The following TMTC2 variants were observed in gnomAD, a reference collection of about 807,000 sequenced individuals.
The protein encoded by TMTC2 is transmembrane O-mannosyltransferase targeting cadherins 2.
A neutral mutation model predicts 82.4 loss-of-function variants in TMTC2; 43 were observed. That is an observed-to-expected ratio of 0.52 (90% CI 0.41 to 0.67). The LOEUF is 0.67. TMTC2 is among the 30% of genes least tolerant of loss of function. TMTC2 has a pLI of 0.00. For missense variants in TMTC2, 919 were observed against 1,012.4 expected, an observed-to-expected ratio of 0.91 and a Z score of 1.25; for synonymous variants, 408 against 381.9, an observed-to-expected ratio of 1.07 and a Z score of -0.80.
chr12:82,943,341 T>A (rs1876825045), intron 4 of TMTC2, among the ~76,000 whole-genome samples: 1 of 152,206 alleles, frequency 6.6e-6, no homozygotes, highest in Non-Finnish European at 1.5e-5. Flanking sequence ...TGGCTGCAGC[T>A]CCTCCTTTCC....
intron 2 of TMTC2, among the ~76,000 whole-genome samples, chr12:82,894,300 G>T (rs1169878374): frequency 6.6e-6 from 1 of 152,164 alleles, no homozygotes; most frequent in Admixed American, 6.5e-5. Flanking sequence ...TCATTAGGTT[G>T]AAGGTAGAGT....
chr12:82,910,976 T>G (rs1326480587), intron 3 of TMTC2, among the ~76,000 whole-genome samples: 2 of 151,612 alleles, frequency 1.3e-5, no homozygotes, highest in Admixed American at 6.6e-5. Flanking sequence ...CACCACCCGG[T>G]TTCACGCCAT....
intron 1 of TMTC2, among the ~76,000 whole-genome samples, chr12:82,731,154 C>G (rs866143099): frequency 6.6e-6 from 1 of 152,338 alleles, no homozygotes; most frequent in South Asian, 2.1e-4. Flanking sequence ...GCTACCTTTG[C>G]AAATGTGCAT....
chr12:83,009,976 G>A (rs1384741018), intron 8 of TMTC2, among the ~76,000 whole-genome samples: 1 of 152,170 alleles, frequency 6.6e-6, no homozygotes, highest in African/African-American at 2.4e-5. Flanking sequence ...TCTGACAGGA[G>A]ATGGAGCTCA....
chr12:82,927,157 G>A (rs1322818087), intron 3 of TMTC2, among the ~76,000 whole-genome samples: 4 of 152,048 alleles, frequency 2.6e-5, no homozygotes, highest in Non-Finnish European at 5.9e-5. Flanking sequence ...GAAAACTTTT[G>A]GAAAGAATTT....
intron 2 of TMTC2, among the ~76,000 whole-genome samples, chr12:82,885,511 AGG>A (rs1385697196): frequency 6.6e-6 from 1 of 151,386 alleles, no homozygotes; most frequent in Non-Finnish European, 1.5e-5. Context: ...CTGGGAATAC[AGG>A]TGTATGCCAC....
chr12:83,079,529 A>T (rs74863575), intron 11 of TMTC2, among the ~76,000 whole-genome samples: 6,701 of 152,172 alleles, frequency 0.044, 189 homozygotes, highest in East Asian at 0.12. Context: ...GTTATAATAG[A>T]TTTTACCTTC....
intron 9 of TMTC2, among the ~76,000 whole-genome samples, chr12:83,035,996 A>T (rs1881647970): frequency 6.6e-6 from 1 of 152,176 alleles, no homozygotes; most frequent in Non-Finnish European, 1.5e-5. Flanking sequence ...AAGGGAGGAG[A>T]TTGTAATGCT....
chr12:82,796,197 C>T (rs377119708), intron 1 of TMTC2, among the ~76,000 whole-genome samples: 8 of 152,002 alleles, frequency 5.3e-5, no homozygotes, highest in African/African-American at 4.8e-5. Flanking sequence ...GTAGCCGGGA[C>T]GACCTGGCTG....
chr12:82,732,729 T>C (rs1364234961), intron 1 of TMTC2, among the ~76,000 whole-genome samples: 1 of 152,200 alleles, frequency 6.6e-6, no homozygotes, highest in Non-Finnish European at 1.5e-5. Context: ...TTTCCAGCTG[T>C]GTGGAAGTGT....
intron 1 of TMTC2, among the ~76,000 whole-genome samples, chr12:82,770,913 C>G (rs983279014): frequency 6.6e-6 from 1 of 152,036 alleles, no homozygotes; most frequent in African/African-American, 2.4e-5. Flanking sequence ...GCTAGGAACA[C>G]AGTAAAGAGT....
intron 3 of TMTC2, among the ~76,000 whole-genome samples, chr12:82,910,494 G>A (rs932371365): frequency 6.6e-6 from 1 of 152,140 alleles, no homozygotes; most frequent in Non-Finnish European, 1.5e-5. Context: ...CTCTATAGGC[G>A]GCTTGTGTTA....
At chr12:82,805,886 T>G (rs1879220735) in intron 1 of TMTC2, among the ~76,000 whole-genome samples, 1 of 152,128 alleles carries the variant, frequency 6.6e-6, no homozygotes, top group Admixed American at 6.5e-5. Context: ...GTTTTTTAAT[T>G]AACTCACCAA....
intron 7 of TMTC2, among the ~76,000 whole-genome samples, chr12:82,970,125 A>G (rs1474110917): frequency 1.3e-5 from 2 of 152,212 alleles, no homozygotes; most frequent in African/African-American, 4.8e-5. Context: ...CCTCGGTTCA[A>G]ATTATGGCTT....
At chr12:82,917,391 C>A (rs994230410) in intron 3 of TMTC2, among the ~76,000 whole-genome samples, 13 of 151,982 alleles carry the variant, frequency 8.6e-5, no homozygotes, top group African/African-American at 3.1e-4. Flanking sequence ...TCCAAGACTT[C>A]CATTATGGTT....
chr12:82,976,001 G>T (rs1878653895), intron 7 of TMTC2, among the ~76,000 whole-genome samples: 1 of 151,668 alleles, frequency 6.6e-6, no homozygotes, highest in South Asian at 2.1e-4. Flanking sequence ...TAATTTTCCT[G>T]AAGACAGTAT....
At chr12:82,774,695 C>T (rs1877496158) in intron 1 of TMTC2, among the ~76,000 whole-genome samples, 1 of 148,710 alleles carries the variant, frequency 6.7e-6, no homozygotes, top group Admixed American at 6.7e-5. Context: ...CAAGAGCAGG[C>T]TTTCATCTCG....
intron 1 of TMTC2, among the ~76,000 whole-genome samples, chr12:82,698,741 A>G (rs960871877): frequency 5.9e-5 from 9 of 152,232 alleles, no homozygotes; most frequent in Non-Finnish European, 1.0e-4. Context: ...GTTATAATAT[A>G]CAAGCACCAC....
At chr12:83,043,611 G>A (rs1485276378) in intron 9 of TMTC2, among the ~76,000 whole-genome samples, 6 of 152,192 alleles carry the variant, frequency 3.9e-5, no homozygotes. Context: ...CATTCAGCCT[G>A]TGATACCTCA....
Sources: allele counts gnomAD v4.1 joint callset (sites outside exome capture counted in the v4.1 genomes callset), GRCh38; gene constraint gnomAD v4.1.1; transcripts MANE v1.5; gene names NCBI Gene and HGNC (gene_info 2026-07-23, HGNC 2026-07-21).